Variants in FBXO47 observed in about 807,000 individuals in gnomAD.
The protein encoded by FBXO47 is F-box protein 47.
A neutral mutation model predicts 53.9 loss-of-function variants in FBXO47; 34 were observed. The observed-to-expected ratio is 0.63, with a 90% CI of 0.48 to 0.84. The LOEUF (loss-of-function observed/expected upper bound fraction) is 0.84, where lower values mean the gene tolerates loss of function less well. Ranked by LOEUF, FBXO47 falls within the 40% of genes least tolerant of loss-of-function variation. FBXO47 has a pLI of 0.00. For synonymous variants in FBXO47, 165 were observed against 181.6 expected (o/e 0.91, Z 0.73); for missense variants, 485 against 541.3 (o/e 0.90, Z 1.03).
chr17:38,941,055 G>C (rs1270404870), intron 9 of FBXO47, among the ~76,000 whole-genome samples: 1 of 151,542 alleles, frequency 6.6e-6, no homozygotes, highest in Non-Finnish European at 1.5e-5. Flanking sequence ...TGCTATCTTG[G>C]CTCACCACAG....
intron 7 of FBXO47, among the ~76,000 whole-genome samples, chr17:38,944,191 A>ATGTGTGTGTGTGTGTGTGTGTG (rs71141737): frequency 1.5e-5 from 2 of 133,612 alleles, no homozygotes; most frequent in African/African-American, 5.8e-5. Flanking sequence ...CAAAAAAAAC[A>ATGTGTGTGTGTGTGTGTGTGTG]TGTGTGTGTG....
intron 9 of FBXO47, among the ~76,000 whole-genome samples, chr17:38,941,610 AAATAT>A (rs1425188394): frequency 1.1e-5 from 1 of 94,076 alleles, no homozygotes; most frequent in Non-Finnish European, 2.2e-5. Context: ...AATATTAAAT[AAATAT>A]AATATTATAT....
chr17:38,965,153 A>G (rs1238735692), intron 1 of FBXO47, among the ~76,000 whole-genome samples: 1 of 152,196 alleles, frequency 6.6e-6, no homozygotes, highest in Non-Finnish European at 1.5e-5. Context: ...CCCGCCCATT[A>G]CACTAAATAA....
chr17:38,943,741 A>G lies in FBXO47; in HGVS notation c.794-5T>C, dbSNP rs1258353990. ...TTTCCTGCCAAACCACCTGTCCTGA[A>G]TTGAAACAAAAACGAGGCTATGACA... On this transcript the variant is annotated splice_region_variant and splice_polypyrimidine_tract_variant and intron_variant, in intron 7 of 10. Coordinates refer to ENST00000378079, the MANE Select transcript of FBXO47 (RefSeq NM_001008777.3). 1 of 1,597,678 alleles carries G rather than the reference A, an allele frequency of 6.3e-7. No individual in the cohort carries two copies. The highest frequency in any genetic ancestry group is 8.5e-7 in the Non-Finnish European group (1 of 1,175,766).
At chr17:38,961,848 C>A in intron 3 of FBXO47, 29 bp downstream of exon 3, 1 of 1,587,774 alleles carries the variant, frequency 6.3e-7, no homozygotes, top group Non-Finnish European at 8.6e-7. Flanking sequence ...CAGTTCTTTA[C>A]TTGTTGCAAT....
At chr17:38,963,802 G>GTTTTTTTTTTT (rs377210713) in intron 1 of FBXO47, among the ~76,000 whole-genome samples, 2 of 128,638 alleles carry the variant, frequency 1.6e-5, no homozygotes, top group Non-Finnish European at 3.2e-5. Context: ...TTGTTTTGTT[G>GTTTTTTTTTTT]TTTTTTTTTT....
chr17:38,950,062 C>T (rs11869388), intron 6 of FBXO47, among the ~76,000 whole-genome samples: 3,955 of 152,096 alleles, frequency 0.026, 171 homozygotes, highest in African/African-American at 0.09. Context: ...TTTTTAAGTA[C>T]GCAATTCAGT....
intron 6 of FBXO47, among the ~76,000 whole-genome samples, chr17:38,947,095 C>CATATATATAAACAT (rs772832724): frequency 1.5e-5 from 2 of 130,820 alleles, no homozygotes; most frequent in African/African-American, 5.8e-5. Context: ...TATATATAAA[C>CATATATATAAACAT]ATATATATAA....
intron 6 of FBXO47, among the ~76,000 whole-genome samples, chr17:38,946,139 A>C (rs1290946428): frequency 1.7e-5 from 2 of 119,652 alleles, no homozygotes; most frequent in East Asian, 2.2e-4. Flanking sequence ...TACATATATA[A>C]ATATATAAAT....
Position 38,963,802 on chromosome 17 carries a change from G to GTTT in FBXO47, c.-26-754_-26-752dup, listed in dbSNP as rs377210713. The stretch of plus-strand genomic sequence containing the variant: ...TTGTTGTTGTTGTTGTTGTTTTGTT[G>GTTT]TTTTTTTTTTTTTTGTCAAGGTCTT... On this transcript the variant is annotated intron_variant, in intron 1 of 10. Coordinates refer to ENST00000378079, the MANE Select transcript of FBXO47 (RefSeq NM_001008777.3). Among the ~76,000 whole-genome samples, 247 of 128,628 alleles carry GTTT rather than the reference G, an allele frequency of 1.9e-3. 7 individuals carry two copies. The highest frequency in any genetic ancestry group is 4.3e-3 in the Middle Eastern group (1 of 230). 84.4% of individuals were successfully genotyped at this position (128,628 alleles called of 152,430 possible).
At chr17:38,940,244 G>A (rs1250137936) in intron 9 of FBXO47, among the ~76,000 whole-genome samples, 1 of 151,910 alleles carries the variant, frequency 6.6e-6, no homozygotes, top group African/African-American at 2.4e-5. Flanking sequence ...GATGAAGATA[G>A]AGAAGACAAA....
chr17:38,946,642 A>C (rs1173716958), intron 6 of FBXO47, among the ~76,000 whole-genome samples: 1 of 49,158 alleles, frequency 2.0e-5, no homozygotes, highest in East Asian at 6.5e-4. Flanking sequence ...ATATATAAAT[A>C]TATATAAATA....
intron 3 of FBXO47, 60 bp downstream of exon 3, chr17:38,961,817 T>G: frequency 6.9e-7 from 1 of 1,441,650 alleles, no homozygotes; most frequent in Non-Finnish European, 9.6e-7. Flanking sequence ...AATTGTATAC[T>G]AAGTTTCTCT....
At chr17:38,951,738 A>G in intron 5 of FBXO47, 49 bp from the exon 6 acceptor site, 1 of 1,417,480 alleles carries the variant, frequency 7.1e-7, no homozygotes, top group Non-Finnish European at 9.9e-7. Flanking sequence ...ATCAAGTCAA[A>G]ACATAAGTCA....
At position 38,938,721 on chromosome 17, in the gene FBXO47, T is replaced by C; in HGVS notation, c.1095A>G (p.Lys365=). The C allele has an allele frequency of 1.3e-6, 2 of 1,585,954 alleles. No individual in the cohort carries two copies. The highest frequency in any genetic ancestry group is 1.7e-6 in the Non-Finnish European group (2 of 1,159,190). The part of the protein sequence containing the change: ...LVVFLALVCE[K]ELYCMDWTVK... ...CTGTCCAATCCATGCAGTACAGTTC[T>C]TTCTCACACACCTGATTTAGACATA... Residue 365 remains lysine (K), a synonymous_variant, in exon 10 of 11, where the codon AAA becomes AAG. Transcript: ENST00000378079.
intron 6 of FBXO47, among the ~76,000 whole-genome samples, chr17:38,949,811 T>C (rs1286727839): frequency 2.0e-5 from 3 of 152,184 alleles, no homozygotes; most frequent in African/African-American, 7.2e-5. Context: ...CATGGCTCAC[T>C]GCAGCCTCAA....
At position 38,963,806 on chromosome 17, in the gene FBXO47, T is replaced by TG. The variant is rs556105010; in HGVS notation, c.-26-756_-26-755insC. ...TGTTGTTGTTGTTGTTTTGTTGTTT[T>TG]TTTTTTTTTTGTCAAGGTCTTGCTC... On this transcript the variant is annotated intron_variant, in intron 1 of 10. Transcript: ENST00000378079. Among the ~76,000 whole-genome samples the TG allele has an allele frequency of 2.5e-3, 363 of 147,394 alleles. 4 individuals carry two copies. The Middle Eastern group carries it at 0.028, about 11-fold the overall frequency.
Position 38,962,026 on chromosome 17 carries a change from C to G in FBXO47, c.203G>C (p.Ser68Thr). Residue 68 changes from serine to threonine, a missense_variant, in exon 3 of 11, where the codon AGC becomes ACC. Physicochemically the swap from Ser to Thr is moderately conservative, Grantham distance 58. Coordinates refer to ENST00000378079, the MANE Select transcript of FBXO47 (RefSeq NM_001008777.3). ...TTGGCTGACTGTTTTGGACACCATG[C>G]TTAGCATGCTGATATCCTTCACTAC... The part of the protein sequence containing the change: ...YLSVKDISML[S>T]MVSKTVSQHI... The G allele has an allele frequency of 6.2e-7, 1 of 1,612,474 alleles. No individual in the cohort carries two copies. The highest frequency in any genetic ancestry group is 8.5e-7 in the Non-Finnish European group (1 of 1,179,682).
At chr17:38,951,345 C>A (rs1291466830) in intron 6 of FBXO47, among the ~76,000 whole-genome samples, 1 of 152,038 alleles carries the variant, frequency 6.6e-6, no homozygotes, top group Non-Finnish European at 1.5e-5. Context: ...CAGGCACACA[C>A]CACCATGCCT....
Sources: gnomAD v4.1 joint callset for allele counts (sites outside exome capture counted in the v4.1 genomes callset) on GRCh38, gnomAD v4.1.1 for gene constraint, MANE v1.5 for transcripts, NCBI Gene and HGNC (gene_info 2026-07-23, HGNC 2026-07-21) for gene names.